Variants in OR14A2 observed in about 807,000 individuals in gnomAD.
OR14A2 encodes olfactory receptor family 14 subfamily A member 2, also known as olfactory receptor 14A2.
For missense variants in OR14A2, 237 were observed against 152.9 expected (o/e 1.55, Z -2.90); for synonymous variants, 114 against 58.6 (o/e 1.95, Z -4.32).
chr1:247,723,578 C>T, exon 1 of OR14A2: 2 of 718,254 alleles, frequency 2.8e-6, no homozygotes, highest in South Asian at 1.5e-5. Flanking sequence ...GCTGTGTACG[C>T]AGTACCAAAG....
upstream of OR14A2, among the ~76,000 whole-genome samples, chr1:247,726,283 T>G (rs1257015890): frequency 2.4e-5 from 3 of 126,234 alleles, no homozygotes; most frequent in Non-Finnish European, 4.7e-5. Context: ...TGATGGCCAG[T>G]GATGATGAGC....
chr1:247,723,759 AC>A lies in OR14A2; in HGVS notation c.284del (p.Cys95LeufsTer7). On this transcript the variant is annotated frameshift_variant, in exon 1 of 1. Transcript: ENST00000366485. LOFTEE classifies it low-confidence loss of function (END_TRUNC). ...AAGTCATTAAAAGTAGCTGGAAGGC[AC>A]ATCCTAGAATGGAAATGGAATTGTT... 1.4e-6 allele frequency: 1 copy of A among 718,346 alleles called. No homozygotes were observed. Among genetic ancestry groups the A allele is most frequent in the Non-Finnish European group, 2.6e-6 (1 of 385,042 alleles). 44.5% of individuals were successfully genotyped at this position (718,346 alleles called of 1,614,324 possible).
chr1:247,741,615 TA>T, the OR14A2 span, among the ~76,000 whole-genome samples: 5 of 152,282 alleles, frequency 3.3e-5, no homozygotes, highest in East Asian at 9.7e-4. Context: ...ATGCATATGT[TA>T]AATATACATA....
At chr1:247,743,267 G>A in the OR14A2 span, among the ~76,000 whole-genome samples, 1 of 152,100 alleles carries the variant, frequency 6.6e-6, no homozygotes, top group East Asian at 1.9e-4. Flanking sequence ...CCTCTCTGGA[G>A]TGACCCCACT....
the OR14A2 span, among the ~76,000 whole-genome samples, chr1:247,735,054 G>A: frequency 2.0e-5 from 3 of 152,196 alleles, no homozygotes; most frequent in African/African-American, 7.2e-5. Context: ...TGAACTCGTA[G>A]GATGCTCATG....
chr1:247,740,288 G>A, the OR14A2 span, among the ~76,000 whole-genome samples: 3 of 151,982 alleles, frequency 2.0e-5, no homozygotes, highest in Non-Finnish European at 4.4e-5. Context: ...TCGATTCAAC[G>A]TTCTTTATAG....
chr1:247,723,594 T>A, exon 1 of OR14A2: 1 of 718,254 alleles, frequency 1.4e-6, no homozygotes, highest in African/African-American at 1.7e-5. Flanking sequence ...CAAAGAGCCC[T>A]CCAATGGCCC....
upstream of OR14A2, among the ~76,000 whole-genome samples, chr1:247,726,823 G>A: frequency 8.6e-6 from 1 of 116,452 alleles, no homozygotes; most frequent in African/African-American, 3.9e-5. Context: ...TCTCAGGTTT[G>A]TCAAAGATCA....
At chr1:247,739,610 C>G in the OR14A2 span, 1 of 693,860 alleles carries the variant, frequency 1.4e-6, no homozygotes. Flanking sequence ...GTTCTGCCAT[C>G]CACTAGCTGT....
the OR14A2 span, among the ~76,000 whole-genome samples, chr1:247,729,366 A>T: frequency 1.3e-5 from 2 of 152,114 alleles, no homozygotes; most frequent in African/African-American, 4.8e-5. Context: ...AATTCTACTT[A>T]TCATAGAGTT....
upstream of OR14A2, chr1:247,724,123 C>G: frequency 1.7e-6 from 1 of 606,024 alleles, no homozygotes; most frequent in East Asian, 2.7e-5. Flanking sequence ...AAAAATTAGT[C>G]TATACAGACT....
the OR14A2 span, among the ~76,000 whole-genome samples, chr1:247,733,300 G>A: frequency 2.6e-5 from 4 of 152,234 alleles, no homozygotes; most frequent in South Asian, 4.1e-4. Flanking sequence ...TCAGAAAACT[G>A]ATTTGAAAGA....
chr1:247,735,178 T>C, the OR14A2 span, among the ~76,000 whole-genome samples: 1 of 152,172 alleles, frequency 6.6e-6, no homozygotes, highest in Non-Finnish European at 1.5e-5. Flanking sequence ...GGACGTCATC[T>C]TCCCTGGAGG....
chr1:247,723,441 A>C (rs747317391), exon 1 of OR14A2: 2 of 717,694 alleles, frequency 2.8e-6, no homozygotes, highest in South Asian at 3.0e-5. Context: ...TTAAACATGC[A>C]CCAACTCCAA....
chr1:247,731,702 T>C, the OR14A2 span, among the ~76,000 whole-genome samples: 1 of 152,166 alleles, frequency 6.6e-6, no homozygotes, highest in Non-Finnish European at 1.5e-5. Context: ...TTTGGTTATT[T>C]TAAAGTGTTT....
the OR14A2 span, chr1:247,738,681 A>C: frequency 3.8e-3 from 2,981 of 780,782 alleles, 11 homozygotes; most frequent in Non-Finnish European, 6.1e-3. Context: ...GGTGCTCCTG[A>C]GGCTGCATGC....
the OR14A2 span, among the ~76,000 whole-genome samples, chr1:247,736,989 G>A: frequency 6.6e-6 from 1 of 152,090 alleles, no homozygotes; most frequent in Non-Finnish European, 1.5e-5. Context: ...ACATAGAGGG[G>A]TCTCATCTTG....
the OR14A2 span, among the ~76,000 whole-genome samples, chr1:247,737,516 C>T: frequency 9.2e-5 from 14 of 152,022 alleles, no homozygotes; most frequent in African/African-American, 3.4e-4. Flanking sequence ...CATGGCTGCC[C>T]CAAACTTAAA....
At chr1:247,737,111 A>G in the OR14A2 span, among the ~76,000 whole-genome samples, 2 of 152,204 alleles carry the variant, frequency 1.3e-5, no homozygotes, top group East Asian at 3.9e-4. Flanking sequence ...TTCAACTTTA[A>G]ATCACTTGTT....
Sources: allele counts gnomAD v4.1 joint callset (sites outside exome capture counted in the v4.1 genomes callset), GRCh38; gene constraint gnomAD v4.1.1; transcripts MANE v1.5; gene names NCBI Gene and HGNC (gene_info 2026-07-23, HGNC 2026-07-21).